The following TFEC variants were observed in gnomAD, a reference collection of about 807,000 sequenced individuals.
The protein encoded by TFEC is transcription factor EC.
A neutral mutation model predicts 41.6 loss-of-function variants in TFEC; 31 were observed. That is an observed-to-expected ratio of 0.74 (90% CI 0.56 to 1.01). The LOEUF (loss-of-function observed/expected upper bound fraction) is 1.01. Among genes scored for constraint, TFEC ranks in the 50% least tolerant of loss-of-function variants. The pLI, the probability that TFEC is intolerant of heterozygous loss-of-function variation, is 0.00. For synonymous variants in TFEC, 143 were observed against 140.6 expected (o/e 1.02, Z -0.12); for missense variants, 402 against 404.1 (o/e 0.99, Z 0.04).
intron 3 of TFEC, among the ~76,000 whole-genome samples, chr7:116,083,891 T>TA (rs1478038404): frequency 6.6e-6 from 1 of 151,944 alleles, no homozygotes; most frequent in African/African-American, 2.4e-5. Flanking sequence ...CTCTTACAGC[T>TA]AAAACCTGTT....
chr7:116,035,566 T>G (rs1341035170), upstream of TFEC, among the ~76,000 whole-genome samples: 1 of 151,918 alleles, frequency 6.6e-6, no homozygotes, highest in African/African-American at 2.4e-5. Flanking sequence ...GAAGAATAAA[T>G]GAAAAAGCAT....
intron 5 of TFEC, among the ~76,000 whole-genome samples, chr7:115,951,627 T>C (rs1272624236): frequency 6.6e-6 from 1 of 152,098 alleles, no homozygotes; most frequent in South Asian, 2.1e-4. Flanking sequence ...CACTTAAAGA[T>C]TCTAATTTTA....
At chr7:115,987,089 T>C (rs1272969273) in intron 1 of TFEC, among the ~76,000 whole-genome samples, 1 of 152,108 alleles carries the variant, frequency 6.6e-6, no homozygotes, top group Non-Finnish European at 1.5e-5. Context: ...GAATAAAATA[T>C]AGTATGGGAC....
intron 2 of TFEC, among the ~76,000 whole-genome samples, chr7:115,975,792 G>A (rs554017858): frequency 1.3e-5 from 2 of 152,224 alleles, no homozygotes; most frequent in South Asian, 4.1e-4. Context: ...CATGGGAAAG[G>A]GTCATCCTTG....
chr7:116,067,885 C>G (rs1016815995), intron 3 of TFEC, among the ~76,000 whole-genome samples: 2 of 151,746 alleles, frequency 1.3e-5, no homozygotes, highest in African/African-American at 4.8e-5. Flanking sequence ...AGGACAGGAG[C>G]TCTCATCTCA....
At position 116,118,093 on chromosome 7, in the gene TFEC, T is replaced by TA. The variant is rs201963409; in HGVS notation, c.-68-6056dup. ...GATCAACTGATTTTTATTTTTCTCT[T>TA]AGAGTTGACCTTTATTTAACCCATG... On this transcript the variant is annotated intron_variant, in intron 1 of 8. Transcript: ENST00000484212. Among the ~76,000 whole-genome samples the TA allele has an allele frequency of 1.7e-3, 252 of 151,916 alleles. 8 individuals are homozygous for TA. In the East Asian group the frequency reaches 0.035, roughly 21 times the overall value.
intron 1 of TFEC, among the ~76,000 whole-genome samples, chr7:116,119,346 G>A (rs1176753991): frequency 1.3e-5 from 2 of 151,670 alleles, no homozygotes; most frequent in Non-Finnish European, 3.0e-5. Context: ...TCTAGCCAAT[G>A]CAATAGGTCT....
At position 115,956,808 on chromosome 7, in the gene TFEC, G is replaced by T; in HGVS notation, c.268-15C>A. Reference sequence around the variant, plus strand: ...CTTCCAGATAACTTGAGAGGAAAAAGGAAGAAAAGATTAATAAAAACCTTC... The same window carrying T: ...CTTCCAGATAACTTGAGAGGAAAAATGAAGAAAAGATTAATAAAAACCTTC... On this transcript the variant is annotated splice_polypyrimidine_tract_variant and intron_variant, in intron 3 of 7. Coordinates refer to ENST00000265440, the MANE Select transcript of TFEC (RefSeq NM_012252.4). 2 of 1,509,098 alleles carry T rather than the reference G, an allele frequency of 1.3e-6. No individual in the cohort carries two copies. Among genetic ancestry groups the T allele is most frequent in the Non-Finnish European group, 1.8e-6 (2 of 1,114,830 alleles). The allele number at this position is 1,509,098 out of a possible 1,614,324, so 93.5% of individuals were successfully genotyped here. A position where few individuals can be genotyped will look rare whatever the true frequency, so the allele number is the denominator to read the frequency against.
intron 1 of TFEC, among the ~76,000 whole-genome samples, chr7:116,002,796 C>T (rs1004438643): frequency 6.6e-6 from 1 of 151,926 alleles, no homozygotes; most frequent in African/African-American, 2.4e-5. Flanking sequence ...AAATGCACCC[C>T]TGTTACATAC....
At chr7:115,996,392 TA>T (rs1292438787) in intron 1 of TFEC, among the ~76,000 whole-genome samples, 1 of 152,046 alleles carries the variant, frequency 6.6e-6, no homozygotes, top group Non-Finnish European at 1.5e-5. Context: ...TTTAAAATGC[TA>T]ATTAGACCCT....
intron 3 of TFEC, among the ~76,000 whole-genome samples, chr7:115,970,498 T>C (rs888142102): frequency 8.6e-5 from 13 of 151,966 alleles, no homozygotes; most frequent in Admixed American, 7.9e-4. Context: ...AATAGCCTAG[T>C]AGCCAGAGAG....
chr7:116,124,944 C>T (rs1243803502), intron 1 of TFEC, among the ~76,000 whole-genome samples: 1 of 152,130 alleles, frequency 6.6e-6, no homozygotes. Flanking sequence ...AGAAGATCCA[C>T]ATGTATTCAA....
At chr7:115,975,203 T>TA (rs11405197) in intron 2 of TFEC, among the ~76,000 whole-genome samples, 20,718 of 151,956 alleles carry the variant, frequency 0.14, 1,916 homozygotes, top group Non-Finnish European at 0.21. Context: ...TTTATATGTT[T>TA]AAAAAAATGG....
chr7:116,033,877 G>A (rs1035884714), upstream of TFEC, among the ~76,000 whole-genome samples: 54 of 152,086 alleles, frequency 3.6e-4, no homozygotes, highest in African/African-American at 1.3e-3. Flanking sequence ...AAACTCAAAA[G>A]AGCTATCAAT....
At chr7:116,036,724 G>A (rs79973761) in intron 3 of TFEC, among the ~76,000 whole-genome samples, 3,130 of 152,074 alleles carry the variant, frequency 0.021, 40 homozygotes, top group Non-Finnish European at 0.033. Flanking sequence ...AATTTTTAAA[G>A]ATAAATTACC....
At chr7:116,052,650 A>G (rs532037232) in intron 3 of TFEC, among the ~76,000 whole-genome samples, 48 of 151,836 alleles carry the variant, frequency 3.2e-4, no homozygotes, top group African/African-American at 1.1e-3. Context: ...GATGGTCTCA[A>G]TCTCTTGATC....
intron 1 of TFEC, among the ~76,000 whole-genome samples, chr7:116,158,483 C>CTAGCCAAAT: frequency 6.6e-6 from 1 of 152,164 alleles, no homozygotes; most frequent in East Asian, 1.9e-4. Flanking sequence ...AACTATATAT[C>CTAGCCAAAT]TAGCCAAATT....
rs1038354130 is a variant in TFEC at position 116,007,113 on chromosome 7, T to A, written c.-72-22600A>T. 3.3e-5 allele frequency among the ~76,000 whole-genome samples: 5 copies of A among 152,320 alleles called. 1 individual carries two copies. The highest frequency in any genetic ancestry group is 1.3e-4 in the Admixed American group (2 of 15,298). On this transcript the variant is annotated intron_variant, in intron 1 of 7. Coordinates refer to ENST00000265440, the MANE Select transcript of TFEC (RefSeq NM_012252.4). ...CAATTACATATACAAAATGTATGTA[T>A]CTACGGTTTTACCTTTTTGTGTTTT...
chr7:116,082,812 A>G lies in TFEC; in HGVS notation c.198+27896T>C, dbSNP rs541381342. Reference sequence around the variant, plus strand: ...CAAGGCTCTATTTAAATGTTTCTAGACCGTCTCATCAGCCACACTGTTTAT... The same window carrying G: ...CAAGGCTCTATTTAAATGTTTCTAGGCCGTCTCATCAGCCACACTGTTTAT... On this transcript the variant is annotated intron_variant, in intron 3 of 8. Coordinates refer to the TFEC transcript ENST00000484212. 3.9e-5 allele frequency among the ~76,000 whole-genome samples: 6 copies of G among 151,998 alleles called. No homozygotes were observed. In the South Asian group the frequency reaches 1.2e-3, roughly 32 times the overall value.
Sources: gnomAD v4.1 joint callset for allele counts (sites outside exome capture counted in the v4.1 genomes callset) on GRCh38, gnomAD v4.1.1 for gene constraint, MANE v1.5 for transcripts, NCBI Gene and HGNC (gene_info 2026-07-23, HGNC 2026-07-21) for gene names.